Variants in UBQLN4 observed in about 807,000 individuals in gnomAD.
UBQLN4 encodes ubiquilin 4.
Under a neutral mutation model 60.4 loss-of-function variants are expected in UBQLN4, and 11 were observed. The ratio of observed to expected loss-of-function variants is 0.18; its 90% CI spans 0.11 to 0.30. The LOEUF is 0.30. Among genes scored for constraint, UBQLN4 ranks in the 10% least tolerant of loss-of-function variants. UBQLN4 has a pLI of 1.00. For synonymous variants in UBQLN4, 258 were observed against 313.1 expected (o/e 0.82, Z 1.86); for missense variants, 417 against 795.5 (o/e 0.52, Z 5.72).
chr1:156,038,798 C>T (rs1204795036), intron 10 of UBQLN4, among the ~76,000 whole-genome samples: 1 of 146,446 alleles, frequency 6.8e-6, no homozygotes, highest in Non-Finnish European at 1.5e-5. Flanking sequence ...TGAGCCACTG[C>T]ACTAGGTCTT....
rs1683844738 is a variant in UBQLN4 at position 156,050,685 on chromosome 1, C to T, written c.479-132G>A. 5.9e-6 allele frequency: 8 copies of T among 1,366,016 alleles called. No individual in the cohort carries two copies. Among genetic ancestry groups the T allele is most frequent in the Non-Finnish European group, 4.9e-6 (5 of 1,029,984 alleles). The allele number at this position is 1,366,016 out of a possible 1,614,324, so 84.6% of individuals were successfully genotyped here. On this transcript the variant is annotated intron_variant, in intron 3 of 10. Transcript: ENST00000368309. The surrounding 1 kb of genome is among the most constrained non-coding windows in gnomAD (Gnocchi z 4.6). ...GTCCCTCTTCCTGTCATTCCCACAG[C>T]CCGGCCCTGATCCACTGCTGGCAAA...
chr1:156,032,110 C>T (rs1435372117), downstream of UBQLN4, among the ~76,000 whole-genome samples: 1 of 150,850 alleles, frequency 6.6e-6, no homozygotes, highest in African/African-American at 2.4e-5. Flanking sequence ...CCCAGCGACT[C>T]TCCTGCCTCA....
chr1:156,041,110 T>A (rs1683549719), intron 10 of UBQLN4, among the ~76,000 whole-genome samples: 1 of 152,214 alleles, frequency 6.6e-6, no homozygotes, highest in Non-Finnish European at 1.5e-5. Flanking sequence ...CATTATCTAC[T>A]AGCTATGTAA....
chr1:156,044,369 T>C, intron 5 of UBQLN4, 146 bp from the exon 6 acceptor site: 1 of 724,786 alleles, frequency 1.4e-6, no homozygotes, highest in Non-Finnish European at 2.3e-6. Flanking sequence ...GTTCAGTTCT[T>C]TGCCCCACAA....
intron 10 of UBQLN4, among the ~76,000 whole-genome samples, chr1:156,040,823 A>G (rs889121157): frequency 2.6e-5 from 4 of 152,224 alleles, no homozygotes; most frequent in Non-Finnish European, 4.4e-5. Flanking sequence ...TGCCTTGCAC[A>G]AAGCTGGGTA....
chr1:156,032,935 G>A (rs1203984456), downstream of UBQLN4, among the ~76,000 whole-genome samples: 3 of 152,164 alleles, frequency 2.0e-5, no homozygotes, highest in Non-Finnish European at 4.4e-5. Context: ...GGACAAGGAG[G>A]ATGAGGAAGA....
chr1:156,046,545 TAA>T (rs59598606), intron 5 of UBQLN4, among the ~76,000 whole-genome samples: 4 of 129,794 alleles, frequency 3.1e-5, no homozygotes, highest in Non-Finnish European at 3.3e-5. Flanking sequence ...AAGGTTGTAT[TAA>T]AAAAAAAAAA....
chr1:156,047,199 AC>A (rs1230715241), intron 5 of UBQLN4, among the ~76,000 whole-genome samples: 1 of 150,724 alleles, frequency 6.6e-6, no homozygotes, highest in Non-Finnish European at 1.5e-5. Flanking sequence ...ACTTTTCCAT[AC>A]TTTTTTGGAA....
intron 5 of UBQLN4, among the ~76,000 whole-genome samples, chr1:156,045,718 G>C (rs1468464549): frequency 6.6e-6 from 1 of 152,194 alleles, no homozygotes; most frequent in African/African-American, 2.4e-5. Context: ...AGAACCAGCT[G>C]TCTTGTAGTA....
At chr1:156,035,050 G>A (rs908941405), downstream of UBQLN4, among the ~76,000 whole-genome samples, 9 of 150,446 alleles carry the variant, frequency 6.0e-5, no homozygotes, top group Admixed American at 2.0e-4. Flanking sequence ...TAAATTTTTC[G>A]TAGAGACAAG....
intron 7 of UBQLN4, 33 bp from the exon 8 acceptor site, chr1:156,042,269 G>A: frequency 1.3e-6 from 2 of 1,548,678 alleles, no homozygotes; most frequent in African/African-American, 1.4e-5. Context: ...GGGAGACCTG[G>A]GCCTTTTCAC....
chr1:156,035,264 C>T, downstream of UBQLN4: 2 of 985,322 alleles, frequency 2.0e-6, no homozygotes, highest in Non-Finnish European at 2.4e-6. Flanking sequence ...TGTTTTCAGC[C>T]AGCTTCTTCC....
downstream of UBQLN4, among the ~76,000 whole-genome samples, chr1:156,032,695 G>C (rs1194243247): frequency 6.6e-6 from 1 of 152,066 alleles, no homozygotes; most frequent in Non-Finnish European, 1.5e-5. Context: ...GCTTGGTTTA[G>C]GTTTGCTCTG....
chr1:156,051,210 A>C lies in UBQLN4; in HGVS notation c.378T>G (p.Ser126Arg). 1 of 1,610,982 alleles carries C rather than the reference A, an allele frequency of 6.2e-7. No individual in the cohort carries two copies. The highest frequency in any genetic ancestry group is 8.5e-7 in the Non-Finnish European group (1 of 1,178,540). Reference sequence around the variant, plus strand: ...TTCCACTGCCAGCATCTGAAGAGGCACTGCCAGAGGTGGAGGGCTGGGCAG... The same window carrying C: ...TTCCACTGCCAGCATCTGAAGAGGCCCTGCCAGAGGTGGAGGGCTGGGCAG... ...ATPAQPSTSG[S>R]ASSDAGSGSR... Residue 126 changes from serine (S) to arginine (R), a missense_variant, in exon 3 of 11, where the codon AGT becomes AGG. Transcript: ENST00000368309.
chr1:156,052,170 C>A (rs542791971), intron 1 of UBQLN4, among the ~76,000 whole-genome samples: 1 of 152,300 alleles, frequency 6.6e-6, no homozygotes, highest in Admixed American at 6.5e-5. Flanking sequence ...CCTCCCATCC[C>A]AACTCCTTCA....
At chr1:156,039,417 A>T (rs906953965) in intron 10 of UBQLN4, among the ~76,000 whole-genome samples, 2 of 151,020 alleles carry the variant, frequency 1.3e-5, no homozygotes, top group Non-Finnish European at 3.0e-5. Flanking sequence ...CACCCAGCTA[A>T]TTTTGTATTT....
intron 5 of UBQLN4, among the ~76,000 whole-genome samples, chr1:156,046,398 T>C (rs1572276605): frequency 6.6e-6 from 1 of 150,660 alleles, no homozygotes; most frequent in South Asian, 2.1e-4. Flanking sequence ...CTCGGGAGGC[T>C]GAGGCAGGAG....
At chr1:156,038,167 G>A (rs1683455780) in intron 10 of UBQLN4, among the ~76,000 whole-genome samples, 1 of 152,198 alleles carries the variant, frequency 6.6e-6, no homozygotes, top group African/African-American at 2.4e-5. Context: ...CCTGAGGTCA[G>A]GAGTTCAAGA....
Position 156,042,839 on chromosome 1 carries a change from TC to T in UBQLN4, c.1200del (p.Ile401SerfsTer9), listed in dbSNP as rs1164552303. The T allele has an allele frequency of 6.2e-7, 1 of 1,614,068 alleles. No homozygotes were observed. Among genetic ancestry groups the T allele is most frequent in the Non-Finnish European group, 8.5e-7 (1 of 1,180,036 alleles). On this transcript the variant is annotated frameshift_variant, in exon 7 of 11. Coordinates refer to ENST00000368309, the MANE Select transcript of UBQLN4 (RefSeq NM_020131.5). LOFTEE classifies it high-confidence loss of function. ...ISENPQLMQNVISAPYMRSMM... is the reference protein window; with the variant it reads ...ISENPQLMQNXISAPYMRSMM... The stretch of plus-strand genomic sequence containing the variant: ...ATGCTGCGCATGTAGGGTGCTGAGA[TC>T]ACATTCTGCATCAGCTGGGGGTTCT...
Sources: allele counts gnomAD v4.1 joint callset (sites outside exome capture counted in the v4.1 genomes callset), GRCh38; gene constraint gnomAD v4.1.1; non-coding constraint Gnocchi (gnomAD v3.1); transcripts MANE v1.5; gene names NCBI Gene and HGNC (gene_info 2026-07-23, HGNC 2026-07-21).